PDE10A: variants seen among roughly 807,000 people sequenced by gnomAD.
PDE10A encodes cAMP and cAMP-inhibited cGMP 3',5'-cyclic phosphodiesterase 10A.
A neutral mutation model predicts 97.7 loss-of-function variants in PDE10A; 39 were observed. That is an observed-to-expected ratio of 0.40 (90% CI 0.31 to 0.52). The LOEUF (loss-of-function observed/expected upper bound fraction) is 0.52. PDE10A is among the 20% of genes least tolerant of loss of function. PDE10A has a pLI of 0.56. For synonymous variants in PDE10A, 371 were observed against 376.8 expected, an observed-to-expected ratio of 0.98 and a Z score of 0.18; for missense variants, 731 against 1,047.8, an observed-to-expected ratio of 0.70 and a Z score of 4.17.
intron 1 of PDE10A, among the ~76,000 whole-genome samples, chr6:165,778,421 A>G (rs1232759145): frequency 5.9e-5 from 9 of 152,152 alleles, no homozygotes; most frequent in Non-Finnish European, 1.2e-4. Context: ...TCCATGCTCT[A>G]TAGTATGTAG....
chr6:165,971,312 C>T (rs1192710044), intron 1 of PDE10A, among the ~76,000 whole-genome samples: 1 of 152,136 alleles, frequency 6.6e-6, no homozygotes, highest in Non-Finnish European at 1.5e-5. Context: ...GCTGGAAGTT[C>T]AAGGCCATCC....
At chr6:165,584,170 T>A (rs368099308) in intron 1 of PDE10A, among the ~76,000 whole-genome samples, 1 of 152,162 alleles carries the variant, frequency 6.6e-6, no homozygotes, top group Non-Finnish European at 1.5e-5. Flanking sequence ...CTGGCAGCCC[T>A]CATGGAGAAA....
intron 13 of PDE10A, among the ~76,000 whole-genome samples, chr6:165,402,421 G>A (rs1015061217): frequency 1.3e-5 from 2 of 151,970 alleles, no homozygotes; most frequent in Non-Finnish European, 2.9e-5. Context: ...CCTTTAATAT[G>A]AATAGTAGAA....
chr6:165,628,918 A>G (rs927456599), intron 1 of PDE10A, among the ~76,000 whole-genome samples: 2 of 152,204 alleles, frequency 1.3e-5, no homozygotes, highest in Non-Finnish European at 2.9e-5. Context: ...AGATATTGAA[A>G]AGACCCTTTA....
At chr6:165,898,203 A>C (rs569274558) in intron 1 of PDE10A, among the ~76,000 whole-genome samples, 1 of 152,082 alleles carries the variant, frequency 6.6e-6, no homozygotes, top group Non-Finnish European at 1.5e-5. Flanking sequence ...TCACAGCGAT[A>C]AACTAAGCTC....
At chr6:165,714,375 G>A (rs2128446944) in intron 1 of PDE10A, among the ~76,000 whole-genome samples, 1 of 152,372 alleles carries the variant, frequency 6.6e-6, no homozygotes, top group South Asian at 2.1e-4. Context: ...CGCCAGTCCT[G>A]TGAGTCTGAT....
At chr6:165,446,832 G>A (rs1790882603) in intron 5 of PDE10A, among the ~76,000 whole-genome samples, 1 of 152,100 alleles carries the variant, frequency 6.6e-6, no homozygotes, top group African/African-American at 2.4e-5. Context: ...AAGAAAGAAG[G>A]AACAGGGAAT....
At chr6:165,698,732 C>T (rs1195883644) in intron 1 of PDE10A, among the ~76,000 whole-genome samples, 1 of 152,050 alleles carries the variant, frequency 6.6e-6, no homozygotes, top group Non-Finnish European at 1.5e-5. Flanking sequence ...TGCTTGTAGT[C>T]CCAGCTACTC....
rs192592599 is a variant in PDE10A, at chr6:165,386,746, T to C, written c.2610+1552A>G. ...AGCCAGGCGCGGTGGCTCACGCCTGTAATCCCAGCACTTTGGGAGGCTGAG... is the reference window on the plus strand; with the variant it reads ...AGCCAGGCGCGGTGGCTCACGCCTGCAATCCCAGCACTTTGGGAGGCTGAG... On this transcript the variant is annotated intron_variant, in intron 17 of 21. Coordinates refer to ENST00000539869, the MANE Select transcript of PDE10A (RefSeq NM_001385079.1). Among the ~76,000 whole-genome samples, 1,080 of 151,850 alleles carry C rather than the reference T, an allele frequency of 7.1e-3. 19 individuals carry two copies. The highest frequency in any genetic ancestry group is 0.025 in the African/African-American group (1,036 of 41,382).
intron 1 of PDE10A, among the ~76,000 whole-genome samples, chr6:165,922,904 G>A (rs1782796623): frequency 6.6e-6 from 1 of 152,192 alleles, no homozygotes; most frequent in South Asian, 2.1e-4. Context: ...TCCCCTCCAT[G>A]AGTCTGCATT....
At chr6:165,682,187 A>G (rs1457444904) in intron 1 of PDE10A, among the ~76,000 whole-genome samples, 1 of 152,152 alleles carries the variant, frequency 6.6e-6, no homozygotes, top group Non-Finnish European at 1.5e-5. Flanking sequence ...GCTGGAGTGC[A>G]GTGGCTGCGA....
At chr6:165,906,790 C>T (rs1400575013) in intron 1 of PDE10A, among the ~76,000 whole-genome samples, 1 of 152,176 alleles carries the variant, frequency 6.6e-6, no homozygotes, top group African/African-American at 2.4e-5. Flanking sequence ...ATCAGGAGTT[C>T]TAAGAGGCAC....
intron 1 of PDE10A, among the ~76,000 whole-genome samples, chr6:165,709,317 C>G (rs556550167): frequency 1.3e-4 from 19 of 144,026 alleles, no homozygotes; most frequent in Admixed American, 4.8e-4. Flanking sequence ...GCTCTCCCCC[C>G]ACTCCACCGC....
At chr6:165,397,745 G>C (rs1016841393) in intron 13 of PDE10A, among the ~76,000 whole-genome samples, 3 of 146,154 alleles carry the variant, frequency 2.1e-5, no homozygotes, top group Admixed American at 6.8e-5. Context: ...AATGGGTCAA[G>C]AGTAAAGATA....
chr6:165,659,478 C>A (rs1790126637), intron 1 of PDE10A, among the ~76,000 whole-genome samples: 2 of 152,164 alleles, frequency 1.3e-5, no homozygotes, highest in African/African-American at 4.8e-5. Context: ...GAAACAAAGA[C>A]CCAAAAAGTA....
chr6:165,678,707 C>T (rs1304964115), intron 1 of PDE10A, among the ~76,000 whole-genome samples: 4 of 152,194 alleles, frequency 2.6e-5, no homozygotes, highest in Non-Finnish European at 5.9e-5. Context: ...CCACACTCAG[C>T]ATCTCCCTCT....
At position 165,669,935 on chromosome 6, in the gene PDE10A, T is replaced by C. The variant is rs909799396; in HGVS notation, c.-614-126367A>G. The stretch of plus-strand genomic sequence containing the variant: ...CCAAGGCTAAGTGGCATTAAAGTAT[T>C]TGTGGGTTTTGCTTTCCATGTCATA... On this transcript the variant is annotated intron_variant, in intron 1 of 19. Coordinates refer to the PDE10A transcript ENST00000366882. Among the ~76,000 whole-genome samples, 4 of 152,356 alleles carry C rather than the reference T, an allele frequency of 2.6e-5. No homozygotes were observed. In the South Asian group the frequency reaches 6.2e-4, roughly 24 times the overall value.
At chr6:165,606,169 A>AC (rs1787199544) in intron 1 of PDE10A, among the ~76,000 whole-genome samples, 1 of 149,612 alleles carries the variant, frequency 6.7e-6, no homozygotes, top group South Asian at 2.1e-4. Context: ...AAAAAAAAAA[A>AC]CAGAAATAAA....
At chr6:165,506,547 T>C (rs1435997524) in intron 2 of PDE10A, among the ~76,000 whole-genome samples, 3 of 152,146 alleles carry the variant, frequency 2.0e-5, no homozygotes, top group Non-Finnish European at 4.4e-5. Context: ...GTTCAACACA[T>C]TTCCAAGTAA....
Sources: allele counts gnomAD v4.1 joint callset (sites outside exome capture counted in the v4.1 genomes callset), GRCh38; gene constraint gnomAD v4.1.1; transcripts MANE v1.5; gene names NCBI Gene and HGNC (gene_info 2026-07-23, HGNC 2026-07-21).